Variants in TINF2 observed in about 807,000 individuals in gnomAD.
The protein encoded by TINF2 is TERF1-interacting nuclear factor 2.
A neutral mutation model predicts 50.4 loss-of-function variants in TINF2; 27 were observed. The observed-to-expected ratio is 0.54, with a 90% CI of 0.40 to 0.74. TINF2 has a LOEUF of 0.74. Among genes scored for constraint, TINF2 ranks in the 30% least tolerant of loss-of-function variants. TINF2 has a pLI of 0.00. For synonymous variants in TINF2, 223 were observed against 214.6 expected, an observed-to-expected ratio of 1.04 and a Z score of -0.34; for missense variants, 496 against 551.5, an observed-to-expected ratio of 0.90 and a Z score of 1.01.
In TINF2 at chr14:24,241,749, C is replaced by G; in HGVS notation, c.325G>C (p.Glu109Gln). The change falls in exon 3 of 9, where the codon GAG becomes CAG. Residue 109 changes from glutamate to glutamine, a missense_variant. Glu to Gln is a conservative substitution (Grantham distance 29). Around this residue, in one of 3 missense-constraint regions of TINF2, gnomAD observed 314 missense variants for 343.8 expected, o/e 0.91. Transcript: ENST00000267415. ...TGCTGGTAAAAAGTTTCCTGTGCCT[C>G]CAAAATCTTCCTCAGATCCTGCTTT... ...ATKQDLRKILEAQETFYQQVK... is the reference protein window; with the variant it reads ...ATKQDLRKILQAQETFYQQVK... 6.2e-7 allele frequency: 1 copy of G among 1,613,726 alleles called. No individual in the cohort carries two copies. The highest frequency in any genetic ancestry group is 8.5e-7 in the Non-Finnish European group (1 of 1,179,844).
In TINF2 at chr14:24,242,393, T is replaced by C; in HGVS notation, c.-61A>G. The C allele has an allele frequency of 6.4e-7, 1 of 1,574,644 alleles. No homozygotes were observed. Among genetic ancestry groups the C allele is most frequent in the Non-Finnish European group, 8.6e-7 (1 of 1,164,884 alleles). Reference sequence around the variant, plus strand: ...GTTCCTCACCCGGATGGGTGAGGCTTTCCGATCACTCCTAGGGGCGGGGCT... The same window carrying C: ...GTTCCTCACCCGGATGGGTGAGGCTCTCCGATCACTCCTAGGGGCGGGGCT... On this transcript the variant is annotated 5_prime_UTR_variant, in exon 1 of 9. Transcript: ENST00000267415.
Position 24,240,473 on chromosome 14 carries a change from C to T in TINF2, c.1007G>A (p.Gly336Glu), listed in dbSNP as rs1306795873. The change falls in exon 6 of 9, where the codon GGG (glycine) becomes GAG (glutamate). Residue 336 changes from glycine to glutamate, a missense_variant. Around this residue, in one of 3 missense-constraint regions of TINF2, gnomAD observed 179 missense variants for 188.3 expected, o/e 0.95. Transcript: ENST00000267415. ...TGGGTTCTCCTTCAGAGCCCTTCCC[C>T]CCAGGGTCTGGCATGGACTCTTAGA... is the stretch of plus-strand genomic sequence containing the variant. ...GKSKSPCQTL[G>E]GRALKENPVD... is the part of the protein sequence containing the mutation. 1 of 1,614,192 alleles carries T rather than the reference C, an allele frequency of 6.2e-7. No homozygotes were observed. Among genetic ancestry groups the T allele is most frequent in the South Asian group, 1.1e-5 (1 of 91,084 alleles).
At position 24,242,023 on chromosome 14, in the gene TINF2, C is replaced by T. The variant is rs972411405; in HGVS notation, c.193-29G>A. The T allele has an allele frequency of 7.4e-6, 12 of 1,614,182 alleles. No individual in the cohort carries two copies. Among genetic ancestry groups the T allele is most frequent in the Non-Finnish European group, 9.3e-6 (11 of 1,179,970 alleles). On this transcript the variant is annotated intron_variant, in intron 1 of 8. Transcript: ENST00000267415. ...TACGGTACTGAATTCAGAATCCCCACTTCGGGGCAAGCTGACCTTTTCCAA... is the reference window on the plus strand; with the variant it reads ...TACGGTACTGAATTCAGAATCCCCATTTCGGGGCAAGCTGACCTTTTCCAA...
chr14:24,240,145 CGGA>C lies in TINF2; in HGVS notation c.1137_1139del (p.Pro380del), dbSNP rs2040537357. 1.9e-6 allele frequency: 3 copies of C among 1,613,892 alleles called. 1 individual carries two copies. In the South Asian group the frequency reaches 3.3e-5, roughly 18 times the overall value. ...TGGTAATGACGGAGCTGCACAGAGACGGAGGACACACTGTAGGAGGGAAACCAG... is the reference window on the plus strand; with the variant it reads ...TGGTAATGACGGAGCTGCACAGAGACGGACACACTGTAGGAGGGAAACCAG... On this transcript the variant is annotated inframe_deletion, in exon 8 of 9. Transcript: ENST00000267415.
chr14:24,241,228 T>C lies in TINF2; in HGVS notation c.483A>G (p.Ala161=), dbSNP rs1369141628. 1 of 1,614,188 alleles carries C rather than the reference T, an allele frequency of 6.2e-7. No homozygotes were observed. The highest frequency in any genetic ancestry group is 2.2e-5 in the East Asian group (1 of 44,890). ...LFEYLCQLEK[A]LPTPQAQQLQ... is the part of the protein sequence containing the mutation. ...CCTGCTGTGCCTGCGGTGTAGGCAG[T>C]GCTTTCTCCAGCTGACACAAGTACT... Residue 161 remains alanine, a synonymous_variant, in exon 4 of 9, where the codon GCA becomes GCG. Coordinates refer to ENST00000267415, the MANE Select transcript of TINF2 (RefSeq NM_001099274.3).
chr14:24,240,302 G>C lies in TINF2; in HGVS notation c.1090C>G (p.Leu364Val). 1 of 1,613,958 alleles carries C rather than the reference G, an allele frequency of 6.2e-7. No individual in the cohort carries two copies. The highest frequency in any genetic ancestry group is 8.5e-7 in the Non-Finnish European group (1 of 1,179,992). The change falls in exon 7 of 9, where the codon CTG (leucine) becomes GTG (valine). Residue 364 changes from leucine to valine, a missense_variant. Leu to Val is a conservative substitution (Grantham distance 32). This residue lies in a region of TINF2 where 179 missense variants were observed against 188.3 expected (regional missense o/e 0.95). Coordinates refer to ENST00000267415, the MANE Select transcript of TINF2 (RefSeq NM_001099274.3). ...ENCLDCYMDP[L>V]RLSLLPPRAR... ...CTAGGAGGTAATAATGATAGTCTCA[G>C]GGGGTCCATGTAGCAATCCAAGCAA... is the stretch of plus-strand genomic sequence containing the variant.
chr14:24,242,358 G>C lies in TINF2; in HGVS notation c.-26C>G. The C allele has an allele frequency of 6.2e-7, 1 of 1,605,606 alleles. No individual in the cohort carries two copies. Among genetic ancestry groups the C allele is most frequent in the Non-Finnish European group, 8.5e-7 (1 of 1,177,164 alleles). On this transcript the variant is annotated 5_prime_UTR_variant, in exon 1 of 9. Transcript: ENST00000267415. ...GGTCGGCGGGCTCCGCCCGGAGGCG[G>C]TCCCTCCGGGTTCCTCACCCGGATG...
Position 24,242,431 on chromosome 14 carries a change from C to T in TINF2, c.-99G>A. On this transcript the variant is annotated 5_prime_UTR_variant, in exon 1 of 9. Coordinates refer to ENST00000267415, the MANE Select transcript of TINF2 (RefSeq NM_001099274.3). ...TAGGGGCGGGGCTTCTGGCAACTCC[C>T]TGTCGCTCCGGTCTGTCGGCTCTGG... is the stretch of plus-strand genomic sequence containing the variant. The T allele has an allele frequency of 2.7e-6, 4 of 1,474,372 alleles. No homozygotes were observed. The highest frequency in any genetic ancestry group is 4.9e-5 in the East Asian group (2 of 40,436). The allele number at this position is 1,474,372 out of a possible 1,614,324, so 91.3% of individuals were successfully genotyped here. A position where few individuals can be genotyped will look rare whatever the true frequency, so the allele number is the denominator to read the frequency against.
At chr14:24,242,670 A>G, upstream of TINF2, 1 of 1,159,870 alleles carries the variant, frequency 8.6e-7, no homozygotes, top group African/African-American at 1.6e-5. Flanking sequence ...AAAGGGCGGT[A>G]AGAGGGAGCC....
At chr14:24,241,351 C>T in intron 3 of TINF2, 40 bp from the exon 4 acceptor site, 1 of 1,601,032 alleles carries the variant, frequency 6.2e-7, no homozygotes, top group Non-Finnish European at 8.6e-7. Context: ...GGTTAGTGGC[C>T]AGGCACGGTG....
At chr14:24,241,155 G>T in intron 4 of TINF2, 39 bp from the exon 5 acceptor site, 3 of 1,614,120 alleles carry the variant, frequency 1.9e-6, no homozygotes, top group Non-Finnish European at 2.5e-6. Context: ...CACAATCCTT[G>T]AAACAGCCAC....
intron 6 of TINF2, 42 bp downstream of exon 6, chr14:24,240,376 CA>C (rs907499675): frequency 6.2e-7 from 1 of 1,613,914 alleles, no homozygotes; most frequent in Non-Finnish European, 8.5e-7. Context: ...GGAAGGCAGG[CA>C]AAGAATGTGC....
chr14:24,242,423 G>T lies in TINF2; in HGVS notation c.-91C>A. 1.3e-6 allele frequency: 2 copies of T among 1,485,390 alleles called. No individual in the cohort carries two copies. The highest frequency in any genetic ancestry group is 8.9e-7 in the Non-Finnish European group (1 of 1,124,632). The allele number at this position is 1,485,390 out of a possible 1,614,324, so 92.0% of individuals were successfully genotyped here. A position where few individuals can be genotyped will look rare whatever the true frequency, so the allele number is the denominator to read the frequency against. On this transcript the variant is annotated 5_prime_UTR_variant, in exon 1 of 9. An upstream open reading frame in the 5' UTR gains an earlier in-frame stop. Transcript: ENST00000267415. ...ATCACTCCTAGGGGCGGGGCTTCTG[G>T]CAACTCCCTGTCGCTCCGGTCTGTC...
rs1469930490 is a variant in TINF2 at position 24,241,741 on chromosome 14, C to A, written c.333G>T (p.Gln111His). 6.2e-7 allele frequency: 1 copy of A among 1,613,600 alleles called. No homozygotes were observed. The highest frequency in any genetic ancestry group is 8.5e-7 in the Non-Finnish European group (1 of 1,179,848). The change falls in exon 3 of 9, where the codon CAG (glutamine) becomes CAT (histidine). Residue 111 changes from glutamine (Q) to histidine (H), a missense_variant. By Grantham distance (24) the Gln-to-His change is conservative. Coordinates refer to ENST00000267415, the MANE Select transcript of TINF2 (RefSeq NM_001099274.3). ...GCTTCACCTGCTGGTAAAAAGTTTC[C>A]TGTGCCTCCAAAATCTTCCTCAGAT... ...KQDLRKILEAQETFYQQVKQL... is the reference protein window; with the variant it reads ...KQDLRKILEAHETFYQQVKQL...
chr14:24,242,650 T>C, upstream of TINF2: 1 of 1,182,722 alleles, frequency 8.5e-7, no homozygotes. Flanking sequence ...CTAGCTTCCC[T>C]TGCCCCGGAA....
Position 24,241,012 on chromosome 14 carries a change from C to T in TINF2, c.604+8G>A. 1 of 1,614,170 alleles carries T rather than the reference C, an allele frequency of 6.2e-7. No individual in the cohort carries two copies. Among genetic ancestry groups the T allele is most frequent in the East Asian group, 2.2e-5 (1 of 44,888 alleles). On this transcript the variant is annotated splice_region_variant and intron_variant, in intron 5 of 8. Coordinates refer to ENST00000267415, the MANE Select transcript of TINF2 (RefSeq NM_001099274.3). ...AGGCTAAACACTACACCTCCAAATT[C>T]CTAGTACCTGGAAGCAGCCACCCCA...
rs1060499576 is a variant in TINF2, at chr14:24,242,252, G to T, written c.81C>A (p.Cys27Ter). The change falls in exon 1 of 9, where the codon TGC (cysteine) becomes TGA (stop). Residue 27 changes from cysteine (C) to a stop codon, truncating the protein, a stop_gained. Coordinates refer to ENST00000267415, the MANE Select transcript of TINF2 (RefSeq NM_001099274.3). LOFTEE classifies it high-confidence loss of function. Reference protein sequence around the residue: ...AASWQVVRGRCVEHFPRVLEF... With the variant: ...AASWQVVRGR ...CCAGTACTCGCGGAAAATGTTCCACGCAGCGTCCGCGCACAACCTGCCAGC... is the reference window on the plus strand; with the variant it reads ...CCAGTACTCGCGGAAAATGTTCCACTCAGCGTCCGCGCACAACCTGCCAGC... The T allele has an allele frequency of 2.5e-6, 4 of 1,614,190 alleles. No individual in the cohort carries two copies. Among genetic ancestry groups the T allele is most frequent in the Non-Finnish European group, 3.4e-6 (4 of 1,180,040 alleles).
intron 3 of TINF2, 180 bp from the exon 4 acceptor site, chr14:24,241,491 T>C: frequency 1.2e-6 from 1 of 804,384 alleles, no homozygotes; most frequent in Non-Finnish European, 2.1e-6. Flanking sequence ...TAGCTGGGCA[T>C]TTGTAATCCC....
intron 1 of TINF2, 49 bp from the exon 2 acceptor site, chr14:24,242,043 T>C: frequency 2.5e-6 from 4 of 1,614,122 alleles, no homozygotes; most frequent in Non-Finnish European, 3.4e-6. Context: ...AGCTGACCTT[T>C]TCCAACTAGT....
Sources: allele counts gnomAD v4.1 joint callset, GRCh38; gene constraint gnomAD v4.1.1; regional missense constraint gnomAD v4.1.1; transcripts MANE v1.5; gene names NCBI Gene and HGNC (gene_info 2026-07-23, HGNC 2026-07-21).